The following ADGRL3 variants were observed in gnomAD, a reference collection of about 807,000 sequenced individuals.
ADGRL3 encodes calcium-independent alpha-latrotoxin receptor 3.
In ADGRL3, 62 loss-of-function variants were observed where a neutral mutation model predicts 153.5. The ratio of observed to expected loss-of-function variants is 0.40; its 90% CI spans 0.33 to 0.50. ADGRL3 has a LOEUF of 0.50. ADGRL3 is among the 20% of genes least tolerant of loss of function. The pLI is 0.47. For missense variants in ADGRL3, 1,641 were observed against 1,859.4 expected (o/e 0.88, Z 2.16); for synonymous variants, 710 against 672.5 (o/e 1.06, Z -0.86).
chr4:62,070,544 G>T lies in ADGRL3; in HGVS notation c.4268G>T (p.Arg1423Leu), dbSNP rs1013865832. 8 of 1,550,298 alleles carry T rather than the reference G, an allele frequency of 5.2e-6. No individual in the cohort carries two copies. Among genetic ancestry groups the T allele is most frequent in the Admixed American group, 2.0e-5 (1 of 50,740 alleles). ...NHQPHHYTRR[R>L]IPQDHSESFF... ...CAGCCACACCATTATACCAGAAGGC[G>T]GATCCCCCAAGACCACAGTGAGAGC... is the stretch of plus-strand genomic sequence containing the variant. The change falls in exon 27 of 27, where the codon CGG (arginine) becomes CTG (leucine). Residue 1423 changes from arginine to leucine, a missense_variant. Coordinates refer to ENST00000683033, the MANE Select transcript of ADGRL3 (RefSeq NM_001387552.1).
intron 4 of ADGRL3, among the ~76,000 whole-genome samples, chr4:61,552,920 C>T (rs1000499851): frequency 6.6e-6 from 1 of 152,098 alleles, no homozygotes; most frequent in African/African-American, 2.4e-5. Flanking sequence ...TGGTCTATTC[C>T]ATAAATATTT....
chr4:61,236,924 A>G (rs1414651309), intron 1 of ADGRL3, among the ~76,000 whole-genome samples: 2 of 152,142 alleles, frequency 1.3e-5, no homozygotes, highest in Non-Finnish European at 2.9e-5. Context: ...CAAGGCTATG[A>G]ATTTGACTTT....
At chr4:61,285,493 T>A (rs141300461) in intron 1 of ADGRL3, among the ~76,000 whole-genome samples, 142 of 151,958 alleles carry the variant, frequency 9.3e-4, no homozygotes, top group African/African-American at 3.2e-3. Flanking sequence ...CATGTATTTA[T>A]ATATTTTTTT....
chr4:61,498,146 ATT>A (rs1244432463), intron 3 of ADGRL3, among the ~76,000 whole-genome samples: 4 of 152,170 alleles, frequency 2.6e-5, no homozygotes, highest in Non-Finnish European at 5.9e-5. Context: ...TTCTCTGAGT[ATT>A]TACTACTCTG....
chr4:61,611,926 T>G lies in ADGRL3; in HGVS notation c.473+24486T>G, dbSNP rs560665066. The stretch of plus-strand genomic sequence containing the variant: ...AGAGTAAGATCGTGTCTAAAAAATA[T>G]ATATATATTATATGGAAAGAAATCT... On this transcript the variant is annotated intron_variant, in intron 5 of 26. Coordinates refer to ENST00000683033, the MANE Select transcript of ADGRL3 (RefSeq NM_001387552.1). Among the ~76,000 whole-genome samples the G allele has an allele frequency of 7.2e-5, 11 of 152,126 alleles. No individual in the cohort carries two copies. In the East Asian group the frequency reaches 2.1e-3, roughly 30 times the overall value.
intron 4 of ADGRL3, among the ~76,000 whole-genome samples, chr4:61,584,596 T>A (rs1305562150): frequency 1.3e-5 from 2 of 152,032 alleles, no homozygotes; most frequent in African/African-American, 4.8e-5. Context: ...AAAAACTTAA[T>A]TGACTGGTTT....
intron 23 of ADGRL3, 87 bp downstream of exon 23, chr4:62,031,697 T>A: frequency 1.1e-6 from 1 of 878,250 alleles, no homozygotes; most frequent in South Asian, 2.1e-5. Flanking sequence ...ATATTATTCT[T>A]GATATGTTTG....
chr4:61,820,738 G>A (rs146427623), intron 9 of ADGRL3, among the ~76,000 whole-genome samples: 12 of 152,170 alleles, frequency 7.9e-5, no homozygotes, highest in South Asian at 2.1e-4. Flanking sequence ...ATACTACTTC[G>A]GTGATTTTAT....
chr4:61,316,616 G>A (rs929165885), intron 1 of ADGRL3, among the ~76,000 whole-genome samples: 11 of 152,108 alleles, frequency 7.2e-5, no homozygotes, highest in Non-Finnish European at 1.2e-4. Flanking sequence ...CTGCTGGTGC[G>A]GTGGGAGTAA....
intron 8 of ADGRL3, among the ~76,000 whole-genome samples, chr4:61,739,843 G>A (rs901291642): frequency 3.3e-4 from 51 of 152,250 alleles, no homozygotes; most frequent in African/African-American, 1.2e-3. Context: ...TTTTCTTCCA[G>A]AAGAAATTAA....
intron 2 of ADGRL3, among the ~76,000 whole-genome samples, chr4:61,482,215 C>T (rs1440453701): frequency 6.6e-6 from 1 of 152,282 alleles, no homozygotes; most frequent in East Asian, 1.9e-4. Flanking sequence ...TGTGTACTTA[C>T]TGAATTAAAC....
intron 5 of ADGRL3, among the ~76,000 whole-genome samples, chr4:61,614,839 T>C (rs957264676): frequency 2.6e-5 from 4 of 152,170 alleles, no homozygotes; most frequent in Non-Finnish European, 5.9e-5. Context: ...TTTTGATTTA[T>C]TTATTTTTGT....
At chr4:62,018,754 G>A (rs1330198888) in intron 21 of ADGRL3, among the ~76,000 whole-genome samples, 1 of 152,124 alleles carries the variant, frequency 6.6e-6, no homozygotes, top group African/African-American at 2.4e-5. Context: ...CTGGAACTGG[G>A]GCTGAGGGAG....
At position 61,429,843 on chromosome 4, in the gene ADGRL3, G is replaced by A. The variant is rs148394387; in HGVS notation, c.-174+46654G>A. On this transcript the variant is annotated intron_variant, in intron 2 of 26. Coordinates refer to ENST00000683033, the MANE Select transcript of ADGRL3 (RefSeq NM_001387552.1). ...TTTTTTAAGGTAATTTCCTTGGTGA[G>A]TGCTTTACTGATAGCTTGAATTTAT... Among the ~76,000 whole-genome samples, 70 of 152,196 alleles carry A rather than the reference G, an allele frequency of 4.6e-4. 1 individual carries two copies. The highest frequency in any genetic ancestry group is 1.7e-3 in the Admixed American group (26 of 15,282).
intron 24 of ADGRL3, among the ~76,000 whole-genome samples, chr4:62,041,036 A>G (rs1727992048): frequency 2.0e-5 from 3 of 152,052 alleles, no homozygotes; most frequent in Admixed American, 2.0e-4. Flanking sequence ...GGAAAAAGGG[A>G]AGAGACAGAT....
chr4:61,868,835 T>C (rs2149355690), intron 9 of ADGRL3, among the ~76,000 whole-genome samples: 1 of 152,278 alleles, frequency 6.6e-6, no homozygotes, highest in South Asian at 2.1e-4. Context: ...CTCACTCACT[T>C]TCAGACTCTG....
At chr4:61,492,332 A>G (rs1194988378) in intron 2 of ADGRL3, among the ~76,000 whole-genome samples, 1 of 152,170 alleles carries the variant, frequency 6.6e-6, no homozygotes, top group Non-Finnish European at 1.5e-5. Flanking sequence ...AACATTTATA[A>G]ACAAGATATA....
intron 9 of ADGRL3, among the ~76,000 whole-genome samples, chr4:61,825,959 A>G (rs1251017649): frequency 1.3e-5 from 2 of 152,168 alleles, no homozygotes; most frequent in Non-Finnish European, 2.9e-5. Context: ...CTGTGTGGTC[A>G]CTGAGTAAAA....
chr4:61,707,789 A>G (rs141791600), intron 6 of ADGRL3, among the ~76,000 whole-genome samples: 3 of 152,244 alleles, frequency 2.0e-5, no homozygotes, highest in Admixed American at 1.3e-4. Flanking sequence ...CTTCCACGAT[A>G]TGTAAGACCA....
Sources: gnomAD v4.1 joint callset for allele counts (sites outside exome capture counted in the v4.1 genomes callset) on GRCh38, gnomAD v4.1.1 for gene constraint, MANE v1.5 for transcripts, NCBI Gene and HGNC (gene_info 2026-07-23, HGNC 2026-07-21) for gene names.